Variants in ARHGAP6 observed in about 807,000 individuals in gnomAD.
ARHGAP6 encodes rho GTPase-activating protein 6.
A neutral mutation model predicts 55.7 loss-of-function variants in ARHGAP6; 16 were observed. The ratio of observed to expected loss-of-function variants is 0.29; its 90% CI spans 0.19 to 0.44. ARHGAP6 has a LOEUF of 0.44. ARHGAP6 is among the 20% of genes least tolerant of loss of function. ARHGAP6 has a pLI of 1.00. For synonymous variants in ARHGAP6, 382 were observed against 360.9 expected, an observed-to-expected ratio of 1.06 and a Z score of -0.66; for missense variants, 698 against 808.9, an observed-to-expected ratio of 0.86 and a Z score of 1.66.
At chrX:11,615,853 T>C (rs778559483) in intron 1 of ARHGAP6, among the ~76,000 whole-genome samples, 1 of 112,301 alleles carries the variant, frequency 8.9e-6, no homozygotes, top group Admixed American at 9.4e-5. Context: ...CTTTTCCCAT[T>C]GTAAAGAGGA....
In ARHGAP6 at chrX:11,364,525, T is replaced by C. The variant is rs1048492997; in HGVS notation, c.589-109818A>G. On this transcript the variant is annotated intron_variant, in intron 1 of 12. Transcript: ENST00000337414. ...CTAATGTTATTTGGCTATTCAACCT[T>C]CCGCCACGTGACCAAGGGTAGATGA... is the stretch of plus-strand genomic sequence containing the variant. Among the ~76,000 whole-genome samples, 5 of 110,784 alleles carry C rather than the reference T, an allele frequency of 4.5e-5. No homozygotes were observed. In the East Asian group the frequency reaches 1.1e-3, roughly 25 times the overall value.
intron 1 of ARHGAP6, among the ~76,000 whole-genome samples, chrX:11,527,933 T>G (rs1398730213): frequency 1.8e-5 from 2 of 112,383 alleles, no homozygotes; most frequent in Non-Finnish European, 3.8e-5. Flanking sequence ...ACTGTAAAAA[T>G]ATTTGTTTTT....
chrX:11,367,171 T>C (rs2049092305), intron 1 of ARHGAP6, among the ~76,000 whole-genome samples: 1 of 112,180 alleles, frequency 8.9e-6, no homozygotes, highest in Admixed American at 9.5e-5. Context: ...AAAGGAATGA[T>C]GGGGTAGAAG....
At chrX:11,420,100 C>A (rs951982872) in intron 1 of ARHGAP6, among the ~76,000 whole-genome samples, 17 of 111,834 alleles carry the variant, frequency 1.5e-4, no homozygotes, top group Middle Eastern at 4.6e-3. Flanking sequence ...GTAACAGTAA[C>A]TGTATTTGAA....
chrX:11,409,889 C>T (rs2049658947), intron 1 of ARHGAP6, among the ~76,000 whole-genome samples: 1 of 112,184 alleles, frequency 8.9e-6, no homozygotes, highest in Admixed American at 9.4e-5. Context: ...TGGAGGATTC[C>T]TCAAACCCAG....
At chrX:11,639,217 TA>T (rs1189309351) in intron 1 of ARHGAP6, among the ~76,000 whole-genome samples, 1 of 105,807 alleles carries the variant, frequency 9.5e-6, no homozygotes, top group Admixed American at 1.0e-4. Flanking sequence ...AATTATGCCT[TA>T]TTTTTTTATT....
intron 1 of ARHGAP6, among the ~76,000 whole-genome samples, chrX:11,431,275 T>G (rs1471225318): frequency 8.9e-6 from 1 of 112,662 alleles, no homozygotes; most frequent in East Asian, 2.7e-4. Context: ...CGTGCCCTGC[T>G]AACTGTGGAA....
intron 1 of ARHGAP6, among the ~76,000 whole-genome samples, chrX:11,511,179 G>T (rs1216117388): frequency 8.9e-6 from 1 of 112,198 alleles, no homozygotes; most frequent in Non-Finnish European, 1.9e-5. Context: ...TATGGTTCCT[G>T]AATGGGTTAT....
chrX:11,340,672 T>A (rs1217184723), intron 1 of ARHGAP6, among the ~76,000 whole-genome samples: 1 of 105,479 alleles, frequency 9.5e-6, no homozygotes, highest in Non-Finnish European at 1.9e-5. Context: ...GAGCTTGCAG[T>A]GAGCCGAGAT....
intron 1 of ARHGAP6, among the ~76,000 whole-genome samples, chrX:11,407,961 T>C (rs1450796190): frequency 1.8e-5 from 2 of 111,427 alleles, no homozygotes; most frequent in African/African-American, 6.5e-5. Context: ...CTTTTTAATC[T>C]TAAGCCTGGG....
chrX:11,455,192 C>A (rs1019174721), intron 1 of ARHGAP6, among the ~76,000 whole-genome samples: 1 of 112,211 alleles, frequency 8.9e-6, no homozygotes, highest in Non-Finnish European at 1.9e-5. Flanking sequence ...TTGAAAATAA[C>A]CACAGGAAGA....
chrX:11,185,861 C>T (rs982864233), intron 5 of ARHGAP6, among the ~76,000 whole-genome samples: 2 of 111,291 alleles, frequency 1.8e-5, no homozygotes, highest in African/African-American at 3.3e-5. Context: ...TTAAAGGAAA[C>T]TTTGTGAGTA....
At chrX:11,646,552 T>C (rs764305062) in intron 1 of ARHGAP6, among the ~76,000 whole-genome samples, 3 of 112,203 alleles carry the variant, frequency 2.7e-5, no homozygotes, top group Non-Finnish European at 5.6e-5. Context: ...GCGGTTTGTA[T>C]ATTCATGTAT....
At chrX:11,237,149 T>G (rs2147452008) in intron 2 of ARHGAP6, among the ~76,000 whole-genome samples, 1 of 112,333 alleles carries the variant, frequency 8.9e-6, no homozygotes, top group African/African-American at 3.2e-5. Flanking sequence ...CCTTTTAAAT[T>G]TCTTCACTTG....
At chrX:11,470,516 T>C (rs927207328) in intron 1 of ARHGAP6, among the ~76,000 whole-genome samples, 11 of 112,525 alleles carry the variant, frequency 9.8e-5, no homozygotes, top group African/African-American at 3.5e-4. Flanking sequence ...ATGTGGATGT[T>C]ATTTTAGAAT....
intron 1 of ARHGAP6, among the ~76,000 whole-genome samples, chrX:11,534,575 T>C (rs2051084057): frequency 1.8e-5 from 2 of 109,875 alleles, no homozygotes; most frequent in Non-Finnish European, 3.8e-5. Flanking sequence ...AACTGTCTTC[T>C]CGGGGGCAAA....
At chrX:11,509,166 T>C (rs911936668) in intron 1 of ARHGAP6, among the ~76,000 whole-genome samples, 2 of 111,981 alleles carry the variant, frequency 1.8e-5, no homozygotes, top group Middle Eastern at 4.6e-3. Flanking sequence ...ACAATGACAG[T>C]TAACAGAGTT....
chrX:11,625,796 C>T (rs766219080), intron 1 of ARHGAP6, among the ~76,000 whole-genome samples: 2 of 110,641 alleles, frequency 1.8e-5, no homozygotes, highest in East Asian at 2.8e-4. Context: ...ACATGTACCC[C>T]GTAAATATAT....
At chrX:11,208,165 G>A in intron 2 of ARHGAP6, among the ~76,000 whole-genome samples, 1 of 111,415 alleles carries the variant, frequency 9.0e-6, no homozygotes. Flanking sequence ...GGAAGATGTG[G>A]AATCATCCTG....
Sources: gnomAD v4.1 joint callset for allele counts (sites outside exome capture counted in the v4.1 genomes callset) on GRCh38, gnomAD v4.1.1 for gene constraint, MANE v1.5 for transcripts, NCBI Gene and HGNC (gene_info 2026-07-23, HGNC 2026-07-21) for gene names.